Variants in MAGI2 observed in about 807,000 individuals in gnomAD.
MAGI2 encodes membrane associated guanylate kinase, WW and PDZ domain containing 2.
MAGI2 carries 35 observed loss-of-function variants against 133.3 expected under a neutral mutation model. The observed-to-expected ratio is 0.26, with a 90% CI of 0.20 to 0.35. The LOEUF (loss-of-function observed/expected upper bound fraction) is 0.35. Ranked by LOEUF, MAGI2 falls within the 10% of genes least tolerant of loss-of-function variation. The pLI, the probability that MAGI2 is intolerant of heterozygous loss-of-function variation, is 1.00. For synonymous variants in MAGI2, 729 were observed against 710.6 expected (o/e 1.03, Z -0.41); for missense variants, 1,636 against 1,863.4 (o/e 0.88, Z 2.25).
intron 1 of MAGI2, among the ~76,000 whole-genome samples, chr7:79,214,125 C>G (rs528009550): frequency 6.6e-6 from 1 of 151,752 alleles, no homozygotes; most frequent in African/African-American, 2.4e-5. Flanking sequence ...TATGAAGAAA[C>G]TTAATATACT....
intron 1 of MAGI2, among the ~76,000 whole-genome samples, chr7:79,156,691 T>C (rs1424422259): frequency 6.6e-6 from 1 of 152,118 alleles, no homozygotes; most frequent in Non-Finnish European, 1.5e-5. Context: ...CTAAAATGTA[T>C]AAAACCAAGC....
intron 9 of MAGI2, among the ~76,000 whole-genome samples, chr7:78,296,625 G>A (rs754146243): frequency 7.2e-5 from 11 of 152,214 alleles, no homozygotes; most frequent in Non-Finnish European, 1.3e-4. Context: ...ATTTTTTTCG[G>A]TGAATAAACT....
chr7:79,391,729 A>G (rs1297640389), intron 1 of MAGI2, among the ~76,000 whole-genome samples: 1 of 151,506 alleles, frequency 6.6e-6, no homozygotes, highest in Non-Finnish European at 1.5e-5. Context: ...TTGCTCTGTC[A>G]CCCAGGCTGG....
Position 78,019,222 on chromosome 7 carries a change from GTGT to G in MAGI2, c.*90_*92del, listed in dbSNP as rs1808030421. 1 of 1,408,408 alleles carries G rather than the reference GTGT, an allele frequency of 7.1e-7. No individual in the cohort carries two copies. The highest frequency in any genetic ancestry group is 9.6e-7 in the Non-Finnish European group (1 of 1,040,302). The allele number at this position is 1,408,408 out of a possible 1,614,324, so 87.2% of individuals were successfully genotyped here. The stretch of plus-strand genomic sequence containing the variant: ...GCCTTGGTGCCTCGTGGATCTATGC[GTGT>G]GACAGTGAAAATAAATTAAAACGCC... On this transcript the variant is annotated 3_prime_UTR_variant, in exon 22 of 22. Coordinates refer to ENST00000354212, the MANE Select transcript of MAGI2 (RefSeq NM_012301.4).
At chr7:78,102,125 A>G (rs571750994) in intron 20 of MAGI2, among the ~76,000 whole-genome samples, 142 of 152,318 alleles carry the variant, frequency 9.3e-4, no homozygotes, top group African/African-American at 3.2e-3. Flanking sequence ...ATATTGCATG[A>G]TATCACTTAT....
intron 2 of MAGI2, among the ~76,000 whole-genome samples, chr7:78,783,446 G>T (rs1015144338): frequency 9.9e-5 from 15 of 152,258 alleles, no homozygotes; most frequent in African/African-American, 3.4e-4. Context: ...GAAGGTGTAT[G>T]TGTGTTCGTA....
intron 2 of MAGI2, among the ~76,000 whole-genome samples, chr7:78,793,190 A>T (rs1416900282): frequency 6.6e-6 from 1 of 152,222 alleles, no homozygotes; most frequent in African/African-American, 2.4e-5. Context: ...TGAATCCCAG[A>T]GAGAGGGGTG....
At chr7:78,212,362 A>G (rs1787851175) in intron 10 of MAGI2, among the ~76,000 whole-genome samples, 2 of 152,278 alleles carry the variant, frequency 1.3e-5, no homozygotes, top group South Asian at 4.1e-4. Context: ...GGTGGGCCCA[A>G]CCTACTACAC....
At chr7:78,843,425 G>A (rs985844746) in intron 2 of MAGI2, among the ~76,000 whole-genome samples, 1 of 151,762 alleles carries the variant, frequency 6.6e-6, no homozygotes, top group African/African-American at 2.4e-5. Context: ...CTGGTTGTCT[G>A]TCTTGATAAC....
intron 1 of MAGI2, among the ~76,000 whole-genome samples, chr7:79,378,811 C>T (rs970604039): frequency 6.7e-6 from 1 of 150,016 alleles, no homozygotes; most frequent in African/African-American, 2.4e-5. Flanking sequence ...GGGCTGACTG[C>T]CTGCATGAAC....
In MAGI2 at chr7:78,860,983, C is replaced by T. The variant is rs549312696; in HGVS notation, c.418+146107G>A. Among the ~76,000 whole-genome samples, 282 of 152,266 alleles carry T rather than the reference C, an allele frequency of 1.9e-3. 4 individuals carry two copies. The highest frequency in any genetic ancestry group is 2.6e-3 in the Non-Finnish European group (179 of 68,014). On this transcript the variant is annotated intron_variant, in intron 2 of 21. Transcript: ENST00000354212. ...CAAGCCTCGCTGCCAAGTTGCAGTTCGATCTCAGACTGCTGTGCTTGCAGT... is the reference window on the plus strand; with the variant it reads ...CAAGCCTCGCTGCCAAGTTGCAGTTTGATCTCAGACTGCTGTGCTTGCAGT...
chr7:78,348,444 A>G (rs1791144802), intron 7 of MAGI2: 1 of 152,102 alleles, frequency 6.6e-6, no homozygotes, highest in Non-Finnish European at 1.5e-5. Flanking sequence ...ATTTCTTATT[A>G]CTATTATTGA....
At chr7:79,039,957 G>A (rs1397899043) in intron 1 of MAGI2, among the ~76,000 whole-genome samples, 1 of 150,854 alleles carries the variant, frequency 6.6e-6, no homozygotes, top group Non-Finnish European at 1.5e-5. Flanking sequence ...GATGAGCCTG[G>A]AGGACATTAT....
chr7:78,687,982 A>AG (rs1816536073), intron 2 of MAGI2, among the ~76,000 whole-genome samples: 3 of 99,682 alleles, frequency 3.0e-5, no homozygotes, highest in African/African-American at 4.4e-5. Context: ...AAAAAAAAAA[A>AG]AAAAAAAAAA....
chr7:79,308,880 C>T (rs1272168781), intron 1 of MAGI2, among the ~76,000 whole-genome samples: 5 of 152,000 alleles, frequency 3.3e-5, no homozygotes, highest in African/African-American at 9.7e-5. Context: ...GAATAAAATG[C>T]TTTAGAATAT....
At chr7:78,612,701 G>C (rs922066081) in intron 3 of MAGI2, among the ~76,000 whole-genome samples, 2 of 151,524 alleles carry the variant, frequency 1.3e-5, no homozygotes, top group South Asian at 2.1e-4. Context: ...GCGGGGTCTC[G>C]CTCTGTCGCC....
intron 3 of MAGI2, among the ~76,000 whole-genome samples, chr7:78,540,701 C>T (rs1798341117): frequency 2.0e-5 from 3 of 152,156 alleles, no homozygotes; most frequent in Admixed American, 6.5e-5. Flanking sequence ...ACTGGCAGCC[C>T]TCCCTAAGGA....
intron 3 of MAGI2, among the ~76,000 whole-genome samples, chr7:78,621,523 C>A (rs958013229): frequency 1.3e-5 from 2 of 151,932 alleles, no homozygotes; most frequent in African/African-American, 4.8e-5. Context: ...ATGGCCAAGT[C>A]CCCCAGGCAA....
rs915136831 is a variant in MAGI2 at position 78,644,125 on chromosome 7, GA to G, written c.419-16887del. Among the ~76,000 whole-genome samples, 11 of 151,228 alleles carry G rather than the reference GA, an allele frequency of 7.3e-5. No individual in the cohort carries two copies. In the East Asian group the frequency reaches 7.8e-4, roughly 11 times the overall value. On this transcript the variant is annotated intron_variant, in intron 2 of 21. Coordinates refer to ENST00000354212, the MANE Select transcript of MAGI2 (RefSeq NM_012301.4). ...AATAAAGGAGTCAATTCCTTAACAG[GA>G]AAAAAAATACTAAATGTTTATGTAT...
Sources: allele counts gnomAD v4.1 joint callset (sites outside exome capture counted in the v4.1 genomes callset), GRCh38; gene constraint gnomAD v4.1.1; transcripts MANE v1.5; gene names NCBI Gene and HGNC (gene_info 2026-07-23, HGNC 2026-07-21).